Variants in RUNDC3B observed in about 807,000 individuals in gnomAD.
RUNDC3B encodes RUN domain-containing protein 3B.
A neutral mutation model predicts 58.4 loss-of-function variants in RUNDC3B; 33 were observed. That is an observed-to-expected ratio of 0.56 (90% confidence interval 0.43 to 0.75). The LOEUF (loss-of-function observed/expected upper bound fraction) is 0.75, where lower values mean the gene tolerates loss of function less well. Among genes scored for constraint, RUNDC3B ranks in the 30% least tolerant of loss-of-function variants. RUNDC3B has a pLI of 0.00. For synonymous variants in RUNDC3B, 193 were observed against 195.2 expected, an observed-to-expected ratio of 0.99 and a Z score of 0.10; for missense variants, 501 against 535.7, an observed-to-expected ratio of 0.94 and a Z score of 0.64.
At position 87,645,438 on chromosome 7, in the gene RUNDC3B, AAG is replaced by A. The variant is rs567680694; in HGVS notation, c.123-5380_123-5379del. Among the ~76,000 whole-genome samples the A allele has an allele frequency of 7.2e-5, 11 of 152,260 alleles. No individual in the cohort carries two copies. In the South Asian group the frequency reaches 2.3e-3, roughly 32 times the overall value. ...ATTTCCTTGGACTTTGAAGGTGGGA[AAG>A]AGAATCTTTTTAAATAGAGACATTT... On this transcript the variant is annotated intron_variant, in intron 1 of 10. Transcript: ENST00000394654.
intron 1 of RUNDC3B, among the ~76,000 whole-genome samples, chr7:87,649,609 G>A (rs1823369334): frequency 6.6e-6 from 1 of 152,122 alleles, no homozygotes; most frequent in Admixed American, 6.6e-5. Context: ...TAGAGACAAA[G>A]GACATTCTGA....
chr7:87,806,919 T>C (rs2130933345), intron 8 of RUNDC3B, among the ~76,000 whole-genome samples: 1 of 152,272 alleles, frequency 6.6e-6, no homozygotes, highest in East Asian at 1.9e-4. Context: ...AGTCAGTTTT[T>C]TTTTCATTTT....
At chr7:87,644,706 G>C (rs1484284543) in intron 1 of RUNDC3B, among the ~76,000 whole-genome samples, 1 of 151,750 alleles carries the variant, frequency 6.6e-6, no homozygotes, top group Non-Finnish European at 1.5e-5. Context: ...ATATATGCTT[G>C]TTGTAAAGGG....
chr7:87,648,191 A>G (rs1823218729), intron 1 of RUNDC3B, among the ~76,000 whole-genome samples: 1 of 151,490 alleles, frequency 6.6e-6, no homozygotes, highest in African/African-American at 2.4e-5. Context: ...TCTCAAAAAA[A>G]AAAAAAAAAA....
intron 10 of RUNDC3B, among the ~76,000 whole-genome samples, chr7:87,825,539 C>T (rs1034702750): frequency 1.3e-5 from 2 of 152,160 alleles, no homozygotes; most frequent in East Asian, 1.9e-4. Context: ...GGGTCAGAAC[C>T]CCCACACAGA....
chr7:87,730,769 G>A (rs541616056), intron 4 of RUNDC3B, among the ~76,000 whole-genome samples: 1 of 152,080 alleles, frequency 6.6e-6, no homozygotes, highest in African/African-American at 2.4e-5. Context: ...ACCAAGTGTT[G>A]TGCTGACTTT....
At chr7:87,792,280 C>A (rs1835566605) in intron 8 of RUNDC3B, among the ~76,000 whole-genome samples, 1 of 151,930 alleles carries the variant, frequency 6.6e-6, no homozygotes, top group African/African-American at 2.4e-5. Context: ...ACTTTAACAC[C>A]CCACCTTCAG....
chr7:87,631,223 C>G (rs937080267), intron 1 of RUNDC3B, among the ~76,000 whole-genome samples: 5 of 152,162 alleles, frequency 3.3e-5, no homozygotes, highest in Non-Finnish European at 7.3e-5. Flanking sequence ...ATGACTTTTA[C>G]TTTTTGGAAG....
chr7:87,768,493 A>C (rs527608012), intron 6 of RUNDC3B, among the ~76,000 whole-genome samples: 1 of 152,334 alleles, frequency 6.6e-6, no homozygotes, highest in Admixed American at 6.5e-5. Flanking sequence ...CCACTGCTTC[A>C]GCTCAGGTTT....
chr7:87,807,622 A>G, intron 9 of RUNDC3B, 103 bp downstream of exon 9: 1 of 813,656 alleles, frequency 1.2e-6, no homozygotes, highest in Non-Finnish European at 2.0e-6. Context: ...ACTTATTATT[A>G]TCTTAGAGCA....
chr7:87,756,823 A>G (rs931062562), intron 6 of RUNDC3B, among the ~76,000 whole-genome samples: 1 of 152,072 alleles, frequency 6.6e-6, no homozygotes, highest in African/African-American at 2.4e-5. Flanking sequence ...TTGATGAAAT[A>G]TGTTATATAT....
chr7:87,770,137 C>T (rs1365696536), intron 6 of RUNDC3B, among the ~76,000 whole-genome samples: 3 of 152,072 alleles, frequency 2.0e-5, no homozygotes, highest in African/African-American at 7.2e-5. Flanking sequence ...ACACACTACC[C>T]TGTATTATAC....
chr7:87,799,755 C>T (rs935260818), intron 8 of RUNDC3B, among the ~76,000 whole-genome samples: 5 of 151,920 alleles, frequency 3.3e-5, no homozygotes, highest in South Asian at 2.1e-4. Context: ...GGCATGGTGG[C>T]GTGTGCCTGT....
At chr7:87,772,422 T>C (rs1253483241) in intron 7 of RUNDC3B, among the ~76,000 whole-genome samples, 2 of 151,830 alleles carry the variant, frequency 1.3e-5, no homozygotes, top group African/African-American at 2.4e-5. Context: ...CTAAGATAGA[T>C]GAAATAGATG....
intron 6 of RUNDC3B, among the ~76,000 whole-genome samples, chr7:87,746,015 A>G (rs903384894): frequency 6.6e-6 from 1 of 152,000 alleles, no homozygotes; most frequent in African/African-American, 2.4e-5. Context: ...ATTGTTGTTC[A>G]GTTTGAAAAA....
intron 2 of RUNDC3B, among the ~76,000 whole-genome samples, chr7:87,677,964 G>A (rs1256230444): frequency 6.6e-6 from 1 of 152,172 alleles, no homozygotes; most frequent in Non-Finnish European, 1.5e-5. Flanking sequence ...CTTCAGAGAT[G>A]AGGACAAAAT....
intron 2 of RUNDC3B, among the ~76,000 whole-genome samples, chr7:87,683,706 C>T (rs1450568662): frequency 6.6e-6 from 1 of 151,910 alleles, no homozygotes; most frequent in Non-Finnish European, 1.5e-5. Context: ...ATAACAGATA[C>T]AATAATAATG....
In RUNDC3B at chr7:87,818,789, T is replaced by C. The variant is rs909025823; in HGVS notation, c.1225+2527T>C. ...GCTTAGATTGATCAAAAATCACCTC[T>C]AGAAAGATAAAGTCAACCCTAAGTG... is the stretch of plus-strand genomic sequence containing the variant. On this transcript the variant is annotated intron_variant, in intron 10 of 10. Coordinates refer to ENST00000394654, the MANE Select transcript of RUNDC3B (RefSeq NM_001134405.2). Among the ~76,000 whole-genome samples the C allele has an allele frequency of 1.3e-5, 2 of 152,262 alleles. 1 individual carries two copies. Among genetic ancestry groups the C allele is most frequent in the South Asian group, 4.1e-4 (2 of 4,826 alleles).
chr7:87,677,202 C>G (rs944266708), intron 2 of RUNDC3B, among the ~76,000 whole-genome samples: 7 of 151,408 alleles, frequency 4.6e-5, no homozygotes, highest in Admixed American at 2.0e-4. Context: ...GGATTTTTAA[C>G]AGTAGCCAAG....
Sources: allele counts gnomAD v4.1 joint callset (sites outside exome capture counted in the v4.1 genomes callset), GRCh38; gene constraint gnomAD v4.1.1; transcripts MANE v1.5; gene names NCBI Gene and HGNC (gene_info 2026-07-23, HGNC 2026-07-21).